The following STIL variants were observed in gnomAD, a reference collection of about 807,000 sequenced individuals.
STIL encodes the protein STIL centriolar assembly protein.
In STIL, 55 loss-of-function variants were observed where a neutral mutation model predicts 110.1. That is an observed-to-expected ratio of 0.50 (90% CI 0.40 to 0.63). The LOEUF (loss-of-function observed/expected upper bound fraction) is 0.63. STIL is among the 20% of genes least tolerant of loss of function. The probability of loss-of-function intolerance (pLI) is 0.00; values close to 1 mark genes in which losing one functional copy is unlikely to be tolerated. For missense variants in STIL, 1,358 were observed against 1,530.0 expected, an observed-to-expected ratio of 0.89 and a Z score of 1.87; for synonymous variants, 481 against 530.0, an observed-to-expected ratio of 0.91 and a Z score of 1.27.
chr1:47,276,597 CA>C (rs1380714655), intron 12 of STIL, among the ~76,000 whole-genome samples: 1 of 151,650 alleles, frequency 6.6e-6, no homozygotes, highest in Non-Finnish European at 1.5e-5. Flanking sequence ...CACCTGAGGT[CA>C]GGAGTTCGAG....
intron 15 of STIL, among the ~76,000 whole-genome samples, 160 bp from the exon 16 acceptor site, chr1:47,260,699 G>A (rs1304342863): frequency 6.6e-6 from 1 of 152,010 alleles, no homozygotes; most frequent in East Asian, 1.9e-4. Flanking sequence ...GCGAGATCCT[G>A]TCTCTACAAA....
chr1:47,289,485 C>T lies in STIL; in HGVS notation c.973G>A (p.Asp325Asn). ...CTGGTTAGCAACTGAAACCGAAAGT[C>T]AGGTATCTTGCCATCACAAGGGAAG... ...ECFPCDGKIPDFRFQLLTSKE... is the reference protein window; with the variant it reads ...ECFPCDGKIPNFRFQLLTSKE... Residue 325 changes from aspartate (D) to asparagine (N), a missense_variant, in exon 9 of 17, where the codon GAC (aspartate) becomes AAC (asparagine). Coordinates refer to ENST00000371877, the MANE Select transcript of STIL (RefSeq NM_001048166.1). 6.2e-7 allele frequency: 1 copy of T among 1,613,906 alleles called. No individual in the cohort carries two copies. The highest frequency in any genetic ancestry group is 8.5e-7 in the Non-Finnish European group (1 of 1,179,882).
rs745533463 is a variant in STIL at position 47,280,329 on chromosome 1, T to C, written c.2129A>G (p.Glu710Gly). ...CTVCMHTPKT[E>G]SDNGMMGLSP... ...TAGTCCCATCATTCCATTATCTGAC[T>C]CAGTCTTGGGTGTGTGCATGCACAC... The change falls in exon 12 of 17, where the codon GAG becomes GGG. Residue 710 changes from glutamate to glycine, a missense_variant. By Grantham distance (98) the Glu-to-Gly change is moderately conservative. Transcript: ENST00000371877. The C allele has an allele frequency of 6.2e-7, 1 of 1,614,234 alleles. No individual in the cohort carries two copies. Among genetic ancestry groups the C allele is most frequent in the South Asian group, 1.1e-5 (1 of 91,084 alleles).
intron 2 of STIL, among the ~76,000 whole-genome samples, chr1:47,306,258 T>C (rs537186033): frequency 1.7e-5 from 2 of 116,270 alleles, no homozygotes; most frequent in Admixed American, 1.2e-4. Flanking sequence ...ATCTTTCTTT[T>C]CTTTCCTTTT....
At chr1:47,268,045 C>T (rs1644705204) in intron 14 of STIL, among the ~76,000 whole-genome samples, 1 of 152,084 alleles carries the variant, frequency 6.6e-6, no homozygotes, top group South Asian at 2.1e-4. Context: ...TTTCATTCTC[C>T]CACAGAATTA....
Position 47,263,015 on chromosome 1 carries a change from G to C in STIL, c.2717C>G (p.Thr906Arg). The C allele has an allele frequency of 1.2e-6, 2 of 1,614,138 alleles. No individual in the cohort carries two copies. The highest frequency in any genetic ancestry group is 1.7e-6 in the Non-Finnish European group (2 of 1,180,026). ...SVSMCLQTGP[T>R]GGASNNSETS... ...TTCAGAATTGTTACTGGCACCCCCT[G>C]TTGGTCCAGTCTGTAAACACATGCT... The change falls in exon 15 of 17, where the codon ACA becomes AGA. Residue 906 changes from threonine to arginine, a missense_variant. Transcript: ENST00000371877.
chr1:47,263,744 G>GTCTTTTTTT, intron 14 of STIL, among the ~76,000 whole-genome samples: 1 of 98,310 alleles, frequency 1.0e-5, no homozygotes, highest in South Asian at 3.5e-4. Context: ...TTCATTCCAA[G>GTCTTTTTTT]TTTTTTTTTT....
intron 9 of STIL, among the ~76,000 whole-genome samples, chr1:47,288,048 T>C (rs967987260): frequency 6.8e-6 from 1 of 148,122 alleles, no homozygotes; most frequent in Non-Finnish European, 1.5e-5. Flanking sequence ...AACATATATG[T>C]AATATAATGT....
chr1:47,309,069 A>T (rs1275571396), intron 2 of STIL, among the ~76,000 whole-genome samples: 1 of 150,990 alleles, frequency 6.6e-6, no homozygotes, highest in Admixed American at 6.6e-5. Context: ...AAAAAAAAAT[A>T]ATAATAATTA....
At chr1:47,297,239 G>A (rs1645666049) in intron 6 of STIL, among the ~76,000 whole-genome samples, 1 of 152,124 alleles carries the variant, frequency 6.6e-6, no homozygotes, top group African/African-American at 2.4e-5. Context: ...CTACTTGGGA[G>A]GCTGAGGCAG....
rs1185010514 is a variant in STIL at position 47,269,724 on chromosome 1, T to C, written c.2526A>G (p.Ala842=). ...GAATATCAACTGCTTTTAATGAAGA[T>C]GCACTACCTGGAAGACTTGTGACTT... ...NNEVTSLPGS[A]SSLKAVDIPS... Residue 842 remains alanine, a synonymous_variant, in exon 14 of 17, where the codon GCA becomes GCG. Transcript: ENST00000371877. The C allele has an allele frequency of 7.4e-6, 12 of 1,614,074 alleles. No individual in the cohort carries two copies. Among genetic ancestry groups the C allele is most frequent in the Non-Finnish European group, 1.0e-5 (12 of 1,180,034 alleles).
intron 11 of STIL, 21 bp from the exon 12 acceptor site, chr1:47,281,230 GAA>G: frequency 6.3e-7 from 1 of 1,591,752 alleles, no homozygotes. Context: ...GAAAGAAATA[GAA>G]AAAAAAAGTA....
intron 16 of STIL, among the ~76,000 whole-genome samples, chr1:47,256,994 A>C (rs1256848872): frequency 1.3e-5 from 2 of 151,916 alleles, no homozygotes; most frequent in African/African-American, 4.8e-5. Flanking sequence ...ACAAAACATC[A>C]ATACACTCTG....
Position 47,280,413 on chromosome 1 carries a change from G to A in STIL, c.2045C>T (p.Pro682Leu). 8 of 1,614,200 alleles carry A rather than the reference G, an allele frequency of 5.0e-6. No homozygotes were observed. The highest frequency in any genetic ancestry group is 6.8e-6 in the Non-Finnish European group (8 of 1,180,032). The change falls in exon 12 of 17, where the codon CCA becomes CTA. Residue 682 changes from proline (P) to leucine (L), a missense_variant. Transcript: ENST00000371877. ...GSCSPHSNIE[P>L]SPVARPPSHM... ...TGAAGGCGGTCTTGCCACAGGCGAT[G>A]GTTCAATATTGCTGTGGGGAGAACA...
intron 12 of STIL, among the ~76,000 whole-genome samples, chr1:47,276,582 T>C (rs1570131059): frequency 1.3e-5 from 2 of 151,560 alleles, no homozygotes; most frequent in African/African-American, 2.4e-5. Context: ...CCGAGGCAGG[T>C]GGATCACCTG....
chr1:47,261,665 G>T (rs1644488952), intron 15 of STIL, among the ~76,000 whole-genome samples: 1 of 151,802 alleles, frequency 6.6e-6, no homozygotes. Flanking sequence ...ACTTGAACCT[G>T]GGAGGCAGAA....
chr1:47,268,276 T>C (rs1308783065), intron 14 of STIL, among the ~76,000 whole-genome samples: 5 of 149,978 alleles, frequency 3.3e-5, no homozygotes, highest in Non-Finnish European at 7.4e-5. Context: ...GGAAGCCCCA[T>C]CTCTACTAAA....
At chr1:47,253,097 G>A (rs922795712) in intron 16 of STIL, among the ~76,000 whole-genome samples, 2 of 152,066 alleles carry the variant, frequency 1.3e-5, no homozygotes, top group Middle Eastern at 3.2e-3. Context: ...GATTACAGGC[G>A]TGAGCCACTG....
At chr1:47,258,700 C>A (rs1397693161) in intron 16 of STIL, among the ~76,000 whole-genome samples, 1 of 151,986 alleles carries the variant, frequency 6.6e-6, no homozygotes, top group Non-Finnish European at 1.5e-5. Flanking sequence ...TAGCAAGACA[C>A]CATCTCTGCA....
Sources: allele counts gnomAD v4.1 joint callset (sites outside exome capture counted in the v4.1 genomes callset), GRCh38; gene constraint gnomAD v4.1.1; transcripts MANE v1.5; gene names NCBI Gene and HGNC (gene_info 2026-07-23, HGNC 2026-07-21).